GOLIM4: variants seen among roughly 807,000 people sequenced by gnomAD.
The protein encoded by GOLIM4 is 130 kDa golgi-localized phosphoprotein.
Under a neutral mutation model 107.4 loss-of-function variants are expected in GOLIM4, and 71 were observed. The ratio of observed to expected loss-of-function variants is 0.66; its 90% CI spans 0.55 to 0.81. The LOEUF (loss-of-function observed/expected upper bound fraction) is 0.81, where lower values mean the gene tolerates loss of function less well. Among genes scored for constraint, GOLIM4 ranks in the 30% least tolerant of loss-of-function variants. GOLIM4 has a pLI of 0.00. For synonymous variants in GOLIM4, 327 were observed against 294.8 expected (o/e 1.11, Z -1.12); for missense variants, 830 against 826.1 (o/e 1.00, Z -0.06).
In GOLIM4 at chr3:168,044,894, A is replaced by C. The variant is rs941875203; in HGVS notation, c.313-13T>G. 1.3e-6 allele frequency: 2 copies of C among 1,491,104 alleles called. No homozygotes were observed. Among genetic ancestry groups the C allele is most frequent in the Admixed American group, 2.1e-5 (1 of 47,248 alleles). 92.4% of individuals were successfully genotyped at this position (1,491,104 alleles called of 1,614,324 possible). On this transcript the variant is annotated splice_polypyrimidine_tract_variant and intron_variant, in intron 3 of 15. Coordinates refer to ENST00000470487, the MANE Select transcript of GOLIM4 (RefSeq NM_014498.5). ...TATTGGAATCTTGCTGTAAATCAAA[A>C]AAAAAAAAGAAAACACAAAGATAAA...
chr3:168,048,276 T>C lies in GOLIM4; in HGVS notation c.262+15A>G, dbSNP rs1719425034. 2 of 1,268,014 alleles carry C rather than the reference T, an allele frequency of 1.6e-6. No homozygotes were observed. Among genetic ancestry groups the C allele is most frequent in the African/African-American group, 2.9e-5 (2 of 68,104 alleles). The allele number at this position is 1,268,014 out of a possible 1,614,324, so 78.5% of individuals were successfully genotyped here. A position where few individuals can be genotyped will look rare whatever the true frequency, so the allele number is the denominator to read the frequency against. The stretch of plus-strand genomic sequence containing the variant: ...TACTGGAAAAACACAGAACACAAAT[T>C]ATGTATTTACTTACCTTCCTTTGCT... On this transcript the variant is annotated intron_variant, in intron 2 of 15. Coordinates refer to ENST00000470487, the MANE Select transcript of GOLIM4 (RefSeq NM_014498.5).
In GOLIM4 at chr3:168,014,217, G is replaced by A. The variant is rs1474783349; in HGVS notation, c.1861-3394C>T. ...AAATGATAAAGGGGATATCACCACC[G>A]ATCCCACAGAAATACAAACTACCAT... is the stretch of plus-strand genomic sequence containing the variant. On this transcript the variant is annotated intron_variant, in intron 14 of 15. Transcript: ENST00000470487. Among the ~76,000 whole-genome samples, 725 of 150,928 alleles carry A rather than the reference G, an allele frequency of 4.8e-3. 2 individuals carry two copies. The highest frequency in any genetic ancestry group is 9.3e-3 in the African/African-American group (378 of 40,684).
chr3:168,093,700 T>C (rs1722018740), intron 1 of GOLIM4, among the ~76,000 whole-genome samples: 1 of 152,242 alleles, frequency 6.6e-6, no homozygotes, highest in Admixed American at 6.5e-5. Context: ...GAAAATTTTG[T>C]GAACCTAAGA....
intron 1 of GOLIM4, among the ~76,000 whole-genome samples, chr3:168,082,143 C>A (rs1048248215): frequency 1.3e-5 from 2 of 152,198 alleles, no homozygotes; most frequent in African/African-American, 4.8e-5. Context: ...GCTATGGCTT[C>A]TGTCTTGGAA....
intron 1 of GOLIM4, among the ~76,000 whole-genome samples, chr3:168,078,035 T>A (rs1301925761): frequency 1.3e-5 from 2 of 152,062 alleles, no homozygotes; most frequent in Admixed American, 1.3e-4. Flanking sequence ...GTATAACTAG[T>A]ATTGGGAGGT....
chr3:168,044,787 T>A, intron 4 of GOLIM4, 41 bp downstream of exon 4: 5 of 1,133,464 alleles, frequency 4.4e-6, no homozygotes, highest in Non-Finnish European at 6.5e-6. Context: ...TATTAGTTAA[T>A]CCTTTCTTTT....
At position 168,048,289 on chromosome 3, in the gene GOLIM4, A is replaced by C; in HGVS notation, c.262+2T>G. ...CAGAACACAAATTATGTATTTACTTACCTTCCTTTGCTTTTTTATGTTCAA... is the reference window on the plus strand; with the variant it reads ...CAGAACACAAATTATGTATTTACTTCCCTTCCTTTGCTTTTTTATGTTCAA... On this transcript the variant is annotated splice_donor_variant, in intron 2 of 15. Transcript: ENST00000470487. LOFTEE classifies it high-confidence loss of function. 7.2e-7 allele frequency: 1 copy of C among 1,393,302 alleles called. No homozygotes were observed. Among genetic ancestry groups the C allele is most frequent in the Non-Finnish European group, 1.0e-6 (1 of 991,596 alleles). The allele number at this position is 1,393,302 out of a possible 1,614,324, so 86.3% of individuals were successfully genotyped here.
At chr3:168,042,417 A>C (rs1483336728) in intron 5 of GOLIM4, among the ~76,000 whole-genome samples, 1 of 152,126 alleles carries the variant, frequency 6.6e-6, no homozygotes, top group Admixed American at 6.5e-5. Flanking sequence ...AATGGCTGAG[A>C]TTACAGGCAT....
intron 1 of GOLIM4, among the ~76,000 whole-genome samples, chr3:168,082,055 G>C (rs1429596263): frequency 6.6e-6 from 1 of 152,136 alleles, no homozygotes; most frequent in Admixed American, 6.6e-5. Flanking sequence ...GACTTGAAAA[G>C]ACCTCAGGAG....
intron 14 of GOLIM4, among the ~76,000 whole-genome samples, chr3:168,020,232 T>G (rs1363593015): frequency 6.6e-6 from 1 of 152,204 alleles, no homozygotes; most frequent in Non-Finnish European, 1.5e-5. Flanking sequence ...CCTGTATGTA[T>G]GTGTGGTTGG....
intron 14 of GOLIM4, among the ~76,000 whole-genome samples, chr3:168,011,529 G>A (rs1367407991): frequency 1.3e-5 from 2 of 151,786 alleles, no homozygotes; most frequent in Non-Finnish European, 2.9e-5. Context: ...GCTCCAACTG[G>A]GCGGAGCCCA....
At position 168,032,858 on chromosome 3, in the gene GOLIM4, C is replaced by A; in HGVS notation, c.844-6G>T. 6.3e-7 allele frequency: 1 copy of A among 1,594,560 alleles called. No homozygotes were observed. The highest frequency in any genetic ancestry group is 8.6e-7 in the Non-Finnish European group (1 of 1,165,628). The stretch of plus-strand genomic sequence containing the variant: ...ACATCATTATTTCGAGACACCTAGG[C>A]CAAGCACATCACTGGGAATGACACT... On this transcript the variant is annotated splice_polypyrimidine_tract_variant and splice_region_variant and intron_variant, in intron 8 of 15. Transcript: ENST00000470487.
At chr3:168,033,681 A>G (rs1718478780) in intron 8 of GOLIM4, among the ~76,000 whole-genome samples, 1 of 150,092 alleles carries the variant, frequency 6.7e-6, no homozygotes, top group South Asian at 2.1e-4. Context: ...AGTTCAACAC[A>G]GTGCCTGTTA....
At chr3:168,030,588 G>A (rs182039774) in intron 9 of GOLIM4, among the ~76,000 whole-genome samples, 6 of 141,350 alleles carry the variant, frequency 4.2e-5, no homozygotes, top group Admixed American at 3.6e-4. Context: ...AAGAAACTAA[G>A]AATGGCTGAG....
At chr3:168,045,495 C>T (rs1177418419) in intron 3 of GOLIM4, among the ~76,000 whole-genome samples, 1 of 152,196 alleles carries the variant, frequency 6.6e-6, no homozygotes, top group Non-Finnish European at 1.5e-5. Flanking sequence ...GCCTAAGTCT[C>T]TGGCTGAACT....
chr3:168,041,335 A>C, intron 6 of GOLIM4, 57 bp downstream of exon 6: 1 of 1,000,766 alleles, frequency 1.0e-6, no homozygotes, highest in Non-Finnish European at 1.6e-6. Flanking sequence ...TTTTAAAGTC[A>C]TTCTACCAAA....
intron 1 of GOLIM4, among the ~76,000 whole-genome samples, chr3:168,087,363 G>A (rs1721680600): frequency 6.6e-6 from 1 of 152,102 alleles, no homozygotes; most frequent in Admixed American, 6.6e-5. Context: ...GAAAAACAGA[G>A]AAGCAACTCT....
At chr3:168,039,728 A>G (rs1188324265) in intron 7 of GOLIM4, among the ~76,000 whole-genome samples, 1 of 152,166 alleles carries the variant, frequency 6.6e-6, no homozygotes, top group Non-Finnish European at 1.5e-5. Context: ...AGAGCACTCA[A>G]ATCAGTTTGT....
intron 14 of GOLIM4, 122 bp from the exon 15 acceptor site, chr3:168,010,945 C>G: frequency 1.4e-6 from 1 of 734,072 alleles, no homozygotes; most frequent in Non-Finnish European, 2.4e-6. Flanking sequence ...AAAAAGTTCA[C>G]TCAAAATAGC....
Sources: gnomAD v4.1 joint callset for allele counts (sites outside exome capture counted in the v4.1 genomes callset) on GRCh38, gnomAD v4.1.1 for gene constraint, MANE v1.5 for transcripts, NCBI Gene and HGNC (gene_info 2026-07-23, HGNC 2026-07-21) for gene names.